Variants in ADD1 observed in about 807,000 individuals in gnomAD.
ADD1 encodes the protein adducin 1, also known as alpha-adducin.
Under a neutral mutation model 80.5 loss-of-function variants are expected in ADD1, and 24 were observed. The observed-to-expected ratio is 0.30, with a 90% CI of 0.22 to 0.42. The LOEUF is 0.42. Ranked by LOEUF, ADD1 falls within the 10% of genes least tolerant of loss-of-function variation. The pLI is 1.00. For missense variants in ADD1, 948 were observed against 1,019.0 expected (o/e 0.93, Z 0.95); for synonymous variants, 373 against 393.8 (o/e 0.95, Z 0.63).
intron 1 of ADD1, among the ~76,000 whole-genome samples, chr4:2,870,699 A>G (rs1730293337): frequency 6.6e-6 from 1 of 152,236 alleles, no homozygotes; most frequent in African/African-American, 2.4e-5. Flanking sequence ...TATCTCTGTT[A>G]AGAGAAAAAG....
chr4:2,885,263 C>T (rs1245755272), intron 4 of ADD1, among the ~76,000 whole-genome samples: 1 of 152,166 alleles, frequency 6.6e-6, no homozygotes, highest in Non-Finnish European at 1.5e-5. Flanking sequence ...CAATCCTGTA[C>T]TCTCCCTCCC....
At chr4:2,894,509 A>G (rs1180607534) in intron 5 of ADD1, 73 bp from the exon 6 acceptor site, 28 of 242,578 alleles carry the variant, frequency 1.2e-4, no homozygotes, top group African/African-American at 8.5e-4. Flanking sequence ...AGACCCTATC[A>G]AAAAAAAAAA....
intron 1 of ADD1, among the ~76,000 whole-genome samples, chr4:2,874,240 ACT>A (rs34501762): frequency 0.032 from 4,909 of 152,226 alleles, 112 homozygotes; most frequent in African/African-American, 0.067. Flanking sequence ...AAAAGATTCC[ACT>A]GAGGTCATTA....
chr4:2,895,799 T>G (rs959116679), intron 6 of ADD1, among the ~76,000 whole-genome samples: 2 of 152,214 alleles, frequency 1.3e-5, no homozygotes, highest in Admixed American at 6.5e-5. Context: ...AGCACAGTAC[T>G]TGAGAAGTAT....
chr4:2,914,007 CGA>C (rs1448697188), intron 13 of ADD1, among the ~76,000 whole-genome samples: 1 of 148,744 alleles, frequency 6.7e-6, no homozygotes, highest in African/African-American at 2.5e-5. Flanking sequence ...TGCAGCGAGC[CGA>C]GATTGCGCCA....
At chr4:2,925,348 G>C (rs191140312) in intron 14 of ADD1, among the ~76,000 whole-genome samples, 2 of 143,364 alleles carry the variant, frequency 1.4e-5, no homozygotes, top group Non-Finnish European at 3.1e-5. Flanking sequence ...CGGACCTGCT[G>C]ATCCTAAGCT....
At chr4:2,876,358 T>G (rs892004510) in intron 2 of ADD1, 2 of 333,490 alleles carry the variant, frequency 6.0e-6, no homozygotes, top group African/African-American at 4.2e-5. Flanking sequence ...TTGTGACTTT[T>G]CTAGAGGGTC....
chr4:2,864,360 C>A (rs1159436524), intron 1 of ADD1, among the ~76,000 whole-genome samples: 2 of 152,254 alleles, frequency 1.3e-5, no homozygotes, highest in East Asian at 3.9e-4. Context: ...TTGCAGTGAG[C>A]CAAGATCGTG....
At chr4:2,885,876 C>A (rs1167174284) in intron 4 of ADD1, among the ~76,000 whole-genome samples, 2 of 152,162 alleles carry the variant, frequency 1.3e-5, no homozygotes, top group African/African-American at 4.8e-5. Flanking sequence ...TCCCAAAGTG[C>A]TGGGATTACA....
At chr4:2,858,712 G>A (rs1056929041) in intron 1 of ADD1, among the ~76,000 whole-genome samples, 149 of 152,210 alleles carry the variant, frequency 9.8e-4, no homozygotes, top group African/African-American at 3.2e-3. Context: ...CCCAAGGCCA[G>A]GCAGTGGCTC....
intron 14 of ADD1, among the ~76,000 whole-genome samples, chr4:2,915,406 C>T (rs1009447706): frequency 3.3e-5 from 5 of 152,092 alleles, no homozygotes; most frequent in Admixed American, 1.3e-4. Flanking sequence ...TTTGGGAGGC[C>T]GAGGCGGGCG....
At chr4:2,862,773 G>C (rs936437979) in intron 1 of ADD1, among the ~76,000 whole-genome samples, 15 of 152,122 alleles carry the variant, frequency 9.9e-5, no homozygotes, top group African/African-American at 3.6e-4. Context: ...CATGTTTATT[G>C]CCTGGCTTCC....
chr4:2,880,792 A>G (rs1732183560), intron 2 of ADD1, among the ~76,000 whole-genome samples: 1 of 151,784 alleles, frequency 6.6e-6, no homozygotes, highest in South Asian at 2.1e-4. Context: ...ATTTCTTTGC[A>G]GGGTATGTGA....
intron 1 of ADD1, among the ~76,000 whole-genome samples, chr4:2,864,684 C>G (rs1729285958): frequency 6.6e-6 from 1 of 151,988 alleles, no homozygotes; most frequent in African/African-American, 2.4e-5. Context: ...CACTTCCTTC[C>G]TTTTTCTTGT....
intron 13 of ADD1, chr4:2,914,555 C>T (rs1248099654): frequency 4.3e-6 from 1 of 233,764 alleles, no homozygotes; most frequent in Non-Finnish European, 8.2e-6. Context: ...GGCCTCTTCC[C>T]CTTCTGCTCC....
At chr4:2,923,372 C>T (rs890487974) in intron 14 of ADD1, among the ~76,000 whole-genome samples, 1 of 152,198 alleles carries the variant, frequency 6.6e-6, no homozygotes, top group Non-Finnish European at 1.5e-5. Flanking sequence ...TCCCTCATGG[C>T]TTCCCTTGGC....
chr4:2,894,127 T>C, intron 5 of ADD1, 34 bp downstream of exon 5: 2 of 1,542,114 alleles, frequency 1.3e-6, no homozygotes, highest in South Asian at 1.1e-5. Context: ...AGCTTGTATG[T>C]GCAGGTCATG....
chr4:2,886,483 CTG>C lies in ADD1; in HGVS notation c.510+1821_510+1822del, dbSNP rs145954938. ...TGCTCCTGTGTGCGGCACGGTCACT[CTG>C]TGTAGAATGTCATCGCTGCTTTATT... On this transcript the variant is annotated intron_variant, in intron 4 of 15. Coordinates refer to ENST00000683351, the MANE Select transcript of ADD1 (RefSeq NM_001354761.2). Among the ~76,000 whole-genome samples, 1,340 of 152,304 alleles carry C rather than the reference CTG, an allele frequency of 8.8e-3. 9 individuals carry two copies. The highest frequency in any genetic ancestry group is 0.014 in the Non-Finnish European group (954 of 68,020).
chr4:2,894,514 A>C (rs1734837863), intron 5 of ADD1, 68 bp from the exon 6 acceptor site: 1 of 1,463,398 alleles, frequency 6.8e-7, no homozygotes, highest in African/African-American at 1.5e-5. Context: ...CTATCAAAAA[A>C]AAAAAAAAAA....
Sources: gnomAD v4.1 joint callset for allele counts (sites outside exome capture counted in the v4.1 genomes callset) on GRCh38, gnomAD v4.1.1 for gene constraint, MANE v1.5 for transcripts, NCBI Gene and HGNC (gene_info 2026-07-23, HGNC 2026-07-21) for gene names.